SUMO2: variants seen among roughly 807,000 people sequenced by gnomAD.
The protein encoded by SUMO2 is small ubiquitin like modifier 2, also known as small ubiquitin-related modifier 2.
Under a neutral mutation model 16.0 loss-of-function variants are expected in SUMO2, and 1 was observed. The observed-to-expected ratio is 0.06, with a 90% CI of 0.02 to 0.30. SUMO2 has a LOEUF of 0.30. SUMO2 is among the 10% of genes least tolerant of loss of function. The pLI is 1.00. For missense variants in SUMO2, 16 were observed against 117.5 expected (o/e 0.14, Z 3.99); for synonymous variants, 36 against 40.6 (o/e 0.89, Z 0.43).
chr17:75,182,518 A>C, intron 1 of SUMO2: 1 of 242,270 alleles, frequency 4.1e-6, no homozygotes, highest in Non-Finnish European at 7.9e-6. Context: ...TGGGCCAAGA[A>C]TCCCCGTTCG....
At chr17:75,172,337 T>TTTC (rs2074746821) in intron 3 of SUMO2, among the ~76,000 whole-genome samples, 1 of 150,640 alleles carries the variant, frequency 6.6e-6, no homozygotes, top group African/African-American at 2.4e-5. Context: ...TTTTTTTTTT[T>TTTC]TTTTTTGAGA....
intron 3 of SUMO2, among the ~76,000 whole-genome samples, chr17:75,173,790 C>G (rs549103636): frequency 7.9e-5 from 12 of 152,100 alleles, no homozygotes; most frequent in African/African-American, 2.4e-4. Context: ...CATGAGCCAC[C>G]CTGCTAGGAC....
intron 2 of SUMO2, 105 bp downstream of exon 2, chr17:75,180,952 C>T: frequency 7.5e-7 from 1 of 1,341,210 alleles, no homozygotes; most frequent in Non-Finnish European, 1.0e-6. Context: ...CATATTCATC[C>T]CATCAAAAAG....
chr17:75,172,783 C>T (rs1017684970), intron 3 of SUMO2, among the ~76,000 whole-genome samples: 1 of 151,834 alleles, frequency 6.6e-6, no homozygotes. Context: ...CGATGCCTGG[C>T]TAATTTTTGT....
intron 3 of SUMO2, among the ~76,000 whole-genome samples, chr17:75,172,126 T>G (rs1306175530): frequency 1.3e-5 from 2 of 151,452 alleles, no homozygotes; most frequent in African/African-American, 4.9e-5. Context: ...GCCCAGATTC[T>G]CCTGGCTCAA....
intron 3 of SUMO2, among the ~76,000 whole-genome samples, chr17:75,170,780 G>A (rs1378774130): frequency 6.6e-6 from 1 of 150,452 alleles, no homozygotes; most frequent in Non-Finnish European, 1.5e-5. Context: ...AACCTGGGAG[G>A]TGGAGGTTAT....
intron 2 of SUMO2, 138 bp from the exon 3 acceptor site, chr17:75,174,961 T>A: frequency 1.4e-6 from 1 of 716,808 alleles, no homozygotes; most frequent in East Asian, 2.8e-5. Flanking sequence ...ACATACCCTA[T>A]AGGTAAAAAG....
At chr17:75,177,719 T>G (rs1015414827) in intron 2 of SUMO2, among the ~76,000 whole-genome samples, 11 of 151,388 alleles carry the variant, frequency 7.3e-5, no homozygotes, top group Admixed American at 4.0e-4. Flanking sequence ...GCGTAGTGCT[T>G]CATGCCTGTA....
chr17:75,179,348 G>A (rs1268219835), intron 2 of SUMO2, among the ~76,000 whole-genome samples: 2 of 152,076 alleles, frequency 1.3e-5, no homozygotes, highest in East Asian at 3.8e-4. Context: ...GACCAATATG[G>A]TGAAACCCCA....
At chr17:75,175,798 A>G (rs929949579) in intron 2 of SUMO2, among the ~76,000 whole-genome samples, 9 of 151,256 alleles carry the variant, frequency 6.0e-5, no homozygotes, top group Non-Finnish European at 1.0e-4. Flanking sequence ...ATGCCCAGCT[A>G]ATTTTTGTGT....
Position 75,168,087 on chromosome 17 carries a change from G to A in SUMO2, c.*252C>T, listed in dbSNP as rs552497166. 589 of 332,212 alleles carry A rather than the reference G, an allele frequency of 1.8e-3. No individual in the cohort carries two copies. Among genetic ancestry groups the A allele is most frequent in the Middle Eastern group, 0.015 (18 of 1,208 alleles). The allele number at this position is 332,212 out of a possible 1,614,324, so 20.6% of individuals were successfully genotyped here. On this transcript the variant is annotated 3_prime_UTR_variant, in exon 4 of 4. Transcript: ENST00000420826. ...CAGAATCAGTATTTTTCCCCATCCCGTCTCCACTTGATGTCAATCAAAACA... is the reference window on the plus strand; with the variant it reads ...CAGAATCAGTATTTTTCCCCATCCCATCTCCACTTGATGTCAATCAAAACA...
chr17:75,171,568 T>G (rs2074739121), intron 3 of SUMO2, among the ~76,000 whole-genome samples: 1 of 152,010 alleles, frequency 6.6e-6, no homozygotes, highest in Non-Finnish European at 1.5e-5. Context: ...CTAAGATGTT[T>G]TAATTTATCA....
Position 75,182,898 on chromosome 17 carries a change from A to T in SUMO2, c.-64T>A. 7.8e-7 allele frequency: 1 copy of T among 1,281,652 alleles called. No individual in the cohort carries two copies. The highest frequency in any genetic ancestry group is 2.5e-5 in the South Asian group (1 of 39,454). The allele number at this position is 1,281,652 out of a possible 1,614,324, so 79.4% of individuals were successfully genotyped here. A position where few individuals can be genotyped will look rare whatever the true frequency, so the allele number is the denominator to read the frequency against. ...AGAGGTACCAGGTCCGCACCAAACGAGCACACAAGCAGCACCAGGAGCGGC... is the reference window on the plus strand; with the variant it reads ...AGAGGTACCAGGTCCGCACCAAACGTGCACACAAGCAGCACCAGGAGCGGC... On this transcript the variant is annotated 5_prime_UTR_variant, in exon 1 of 4. Coordinates refer to ENST00000420826, the MANE Select transcript of SUMO2 (RefSeq NM_006937.4).
chr17:75,175,356 T>C (rs1487140997), intron 2 of SUMO2, among the ~76,000 whole-genome samples: 2 of 151,972 alleles, frequency 1.3e-5, no homozygotes, highest in African/African-American at 4.8e-5. Flanking sequence ...AGTCTTGCTC[T>C]GTCACTCAGG....
At chr17:75,182,012 G>T (rs149752274) in intron 1 of SUMO2, among the ~76,000 whole-genome samples, 1 of 152,196 alleles carries the variant, frequency 6.6e-6, no homozygotes, top group African/African-American at 2.4e-5. Flanking sequence ...AGCAAGTCCC[G>T]TGTGCCCCGA....
intron 3 of SUMO2, among the ~76,000 whole-genome samples, chr17:75,171,022 CTCG>C (rs1351057437): frequency 2.0e-5 from 3 of 151,302 alleles, no homozygotes; most frequent in Non-Finnish European, 4.4e-5. Flanking sequence ...CAGCAGCCAA[CTCG>C]GTGCACTGAC....
chr17:75,167,214 T>C lies in SUMO2; in HGVS notation c.*1125A>G, dbSNP rs1165386101. The C allele has an allele frequency of 6.6e-6, 1 of 150,388 alleles. No homozygotes were observed. The highest frequency in any genetic ancestry group is 1.5e-5 in the Non-Finnish European group (1 of 67,712). The allele number at this position is 150,388 out of a possible 1,614,324, so 9.3% of individuals were successfully genotyped here. Reference sequence around the variant, plus strand: ...CATGCACCTATGACCCCCCAGCTACTCAGGAGGCTGAGGTTGCAGTGAGCT... The same window carrying C: ...CATGCACCTATGACCCCCCAGCTACCCAGGAGGCTGAGGTTGCAGTGAGCT... On this transcript the variant is annotated 3_prime_UTR_variant, in exon 4 of 4. Coordinates refer to ENST00000420826, the MANE Select transcript of SUMO2 (RefSeq NM_006937.4).
At position 75,179,547 on chromosome 17, in the gene SUMO2, G is replaced by T. The variant is rs555666231; in HGVS notation, c.153+1510C>A. 4.7e-5 allele frequency among the ~76,000 whole-genome samples: 7 copies of T among 148,002 alleles called. No homozygotes were observed. The South Asian group carries it at 6.4e-4, about 14-fold the overall frequency. On this transcript the variant is annotated intron_variant, in intron 2 of 3. Transcript: ENST00000420826. ...TGTCTCAAAAAAAAAAAAAAAAAAG[G>T]TATCTTTATAAGGAACTACATACAA...
chr17:75,174,925 C>T (rs2074770164), intron 2 of SUMO2, 102 bp from the exon 3 acceptor site: 1 of 987,312 alleles, frequency 1.0e-6, no homozygotes, highest in Non-Finnish European at 1.5e-6. Flanking sequence ...AAAGAAATAC[C>T]TAAATAAACA....
Sources: allele counts gnomAD v4.1 joint callset (sites outside exome capture counted in the v4.1 genomes callset), GRCh38; gene constraint gnomAD v4.1.1; transcripts MANE v1.5; gene names NCBI Gene and HGNC (gene_info 2026-07-23, HGNC 2026-07-21).